Variants in SUGCT observed in about 807,000 individuals in gnomAD.
SUGCT encodes the protein succinyl-CoA:glutarate-CoA transferase.
Under a neutral mutation model 55.0 loss-of-function variants are expected in SUGCT, and 41 were observed. The observed-to-expected ratio is 0.74, with a 90% CI of 0.58 to 0.97. The LOEUF is 0.97. SUGCT is among the 50% of genes least tolerant of loss of function. SUGCT has a pLI of 0.00. For missense variants in SUGCT, 568 were observed against 547.8 expected, an observed-to-expected ratio of 1.04 and a Z score of -0.37; for synonymous variants, 187 against 200.4, an observed-to-expected ratio of 0.93 and a Z score of 0.56.
Position 40,219,902 on chromosome 7 carries a change from A to G in SUGCT, c.485-17733A>G, listed in dbSNP as rs371737033. Among the ~76,000 whole-genome samples, 92 of 152,326 alleles carry G rather than the reference A, an allele frequency of 6.0e-4. 2 individuals are homozygous for G. In the South Asian group the frequency reaches 0.018, roughly 29 times the overall value. ...GTTCACTCCCTTATAACAAGTGTCA[A>G]TTAATTAGAAGCTGGTAAAAATAAG... On this transcript the variant is annotated intron_variant, in intron 6 of 13. Transcript: ENST00000335693.
chr7:40,567,831 T>A (rs1447625779), intron 12 of SUGCT, among the ~76,000 whole-genome samples: 1 of 152,166 alleles, frequency 6.6e-6, no homozygotes, highest in East Asian at 1.9e-4. Flanking sequence ...ATGTCCAAAT[T>A]TAAAATAGCA....
the SUGCT span, among the ~76,000 whole-genome samples, chr7:40,916,028 C>T: frequency 2.0e-5 from 3 of 151,152 alleles, no homozygotes; most frequent in East Asian, 2.0e-4. Flanking sequence ...TTATATATGT[C>T]ATATATGGAT....
chr7:40,810,463 T>C (rs2128757049), intron 13 of SUGCT, among the ~76,000 whole-genome samples: 1 of 152,316 alleles, frequency 6.6e-6, no homozygotes, highest in South Asian at 2.1e-4. Flanking sequence ...CCATTCTGAC[T>C]GGTGTGAGAT....
At chr7:40,377,015 T>C (rs1362399136) in intron 9 of SUGCT, among the ~76,000 whole-genome samples, 2 of 151,604 alleles carry the variant, frequency 1.3e-5, no homozygotes, top group Admixed American at 6.6e-5. Flanking sequence ...AGGAAATCCA[T>C]AGTCATTTGA....
At chr7:40,881,607 A>G in the SUGCT span, among the ~76,000 whole-genome samples, 1 of 152,232 alleles carries the variant, frequency 6.6e-6, no homozygotes, top group African/African-American at 2.4e-5. Context: ...GACATTGTTA[A>G]GCCCTTTCTT....
chr7:40,162,316 A>T (rs559697187), intron 1 of SUGCT, among the ~76,000 whole-genome samples: 1 of 152,310 alleles, frequency 6.6e-6, no homozygotes, highest in African/African-American at 2.4e-5. Context: ...TGAGAATAAG[A>T]TCTGGGATAT....
rs999150384 is a variant in SUGCT, at chr7:40,626,259, C to G, written c.1090-123175C>G. ...ACTTTCTTTCTTTTTTCTTTCTTTT[C>G]TCTCTTTTTTTTTTGGAGATGGAGT... On this transcript the variant is annotated intron_variant, in intron 12 of 13. Coordinates refer to ENST00000335693, the MANE Select transcript of SUGCT (RefSeq NM_001193313.2). Among the ~76,000 whole-genome samples, 4 of 151,712 alleles carry G rather than the reference C, an allele frequency of 2.6e-5. No individual in the cohort carries two copies. The South Asian group carries it at 6.2e-4, about 24-fold the overall frequency.
chr7:40,310,713 G>A (rs866319739), intron 8 of SUGCT, among the ~76,000 whole-genome samples: 1 of 152,122 alleles, frequency 6.6e-6, no homozygotes, highest in Non-Finnish European at 1.5e-5. Flanking sequence ...ATGCTATATT[G>A]TTTTGTTGTG....
chr7:40,796,238 G>GA (rs1163236950), intron 13 of SUGCT, among the ~76,000 whole-genome samples: 1 of 152,146 alleles, frequency 6.6e-6, no homozygotes, highest in Non-Finnish European at 1.5e-5. Context: ...TTGGGTTGGG[G>GA]ATCTGAGTGT....
chr7:40,649,193 T>A (rs1800659246), intron 12 of SUGCT, among the ~76,000 whole-genome samples: 1 of 152,228 alleles, frequency 6.6e-6, no homozygotes, highest in Non-Finnish European at 1.5e-5. Context: ...CAAAATATTT[T>A]TTTTCCTATG....
At chr7:40,851,751 C>T (rs775768725) in intron 13 of SUGCT, among the ~76,000 whole-genome samples, 4 of 152,114 alleles carry the variant, frequency 2.6e-5, no homozygotes, top group Admixed American at 6.5e-5. Context: ...TGTTGAAGGA[C>T]AAGAATATGG....
At position 40,700,652 on chromosome 7, in the gene SUGCT, G is replaced by A. The variant is rs149566771; in HGVS notation, c.1090-48782G>A. On this transcript the variant is annotated intron_variant, in intron 12 of 13. Transcript: ENST00000335693. ...AAGAAACATATTTATTGACCATGTC[G>A]GTGGTTTTATATCTAAGTATCAGCT... Among the ~76,000 whole-genome samples, 414 of 152,232 alleles carry A rather than the reference G, an allele frequency of 2.7e-3. 1 individual carries two copies. Among genetic ancestry groups the A allele is most frequent in the African/African-American group, 9.3e-3 (388 of 41,538 alleles).
the SUGCT span, among the ~76,000 whole-genome samples, chr7:40,885,668 C>G: frequency 7.2e-5 from 11 of 152,174 alleles, no homozygotes; most frequent in African/African-American, 2.7e-4. Context: ...AATGACTCAT[C>G]AACCCAGAGT....
chr7:40,726,601 G>A (rs1307494853), intron 12 of SUGCT, among the ~76,000 whole-genome samples: 1 of 152,092 alleles, frequency 6.6e-6, no homozygotes, highest in East Asian at 1.9e-4. Flanking sequence ...TTTCTTAGGT[G>A]TTTATAAAGG....
intron 9 of SUGCT, among the ~76,000 whole-genome samples, chr7:40,367,232 A>T (rs909532193): frequency 7.7e-6 from 1 of 129,096 alleles, no homozygotes; most frequent in Non-Finnish European, 1.6e-5. Context: ...ACATGGACAC[A>T]GGAAGGGTAA....
At chr7:40,785,256 G>A (rs1276355370) in intron 13 of SUGCT, 3 of 152,114 alleles carry the variant, frequency 2.0e-5, no homozygotes, top group African/African-American at 7.2e-5. Flanking sequence ...CTGCCTACCT[G>A]TATTTTTACT....
intron 12 of SUGCT, among the ~76,000 whole-genome samples, chr7:40,628,014 G>T (rs1029771867): frequency 6.6e-6 from 1 of 152,074 alleles, no homozygotes; most frequent in Non-Finnish European, 1.5e-5. Flanking sequence ...TATATTGAGT[G>T]GTTTTATATT....
At chr7:40,398,711 A>T (rs1228427889) in intron 9 of SUGCT, among the ~76,000 whole-genome samples, 1 of 152,144 alleles carries the variant, frequency 6.6e-6, no homozygotes, top group African/African-American at 2.4e-5. Context: ...CATAATCACA[A>T]CAGCTATAGG....
chr7:40,486,912 A>C (rs754698747), intron 11 of SUGCT, among the ~76,000 whole-genome samples: 11 of 151,668 alleles, frequency 7.3e-5, no homozygotes, highest in Non-Finnish European at 1.3e-4. Context: ...TTTCTGTAGA[A>C]ATAGGGTCTC....
Sources: gnomAD v4.1 joint callset for allele counts (sites outside exome capture counted in the v4.1 genomes callset) on GRCh38, gnomAD v4.1.1 for gene constraint, MANE v1.5 for transcripts, NCBI Gene and HGNC (gene_info 2026-07-23, HGNC 2026-07-21) for gene names.